ARFGEF3: variants seen among roughly 807,000 people sequenced by gnomAD.
ARFGEF3 encodes the protein brefeldin A-inhibited guanine nucleotide-exchange protein 3.
In ARFGEF3, 96 loss-of-function variants were observed where a neutral mutation model predicts 221.7. The ratio of observed to expected loss-of-function variants is 0.43; its 90% CI spans 0.37 to 0.51. The LOEUF is 0.51. Ranked by LOEUF, ARFGEF3 falls within the 20% of genes least tolerant of loss-of-function variation. The pLI, the probability that ARFGEF3 is intolerant of heterozygous loss-of-function variation, is 0.00. For missense variants in ARFGEF3, 2,410 were observed against 2,789.9 expected (o/e 0.86, Z 3.07); for synonymous variants, 1,145 against 1,126.8 (o/e 1.02, Z -0.32).
chr6:138,239,938 C>T (rs1246394451), intron 6 of ARFGEF3, among the ~76,000 whole-genome samples: 2 of 152,090 alleles, frequency 1.3e-5, no homozygotes, highest in Non-Finnish European at 2.9e-5. Flanking sequence ...AAGTAAACCC[C>T]TGGTCTCTAG....
At chr6:138,299,292 CAATTAAAAAAAAAACAG>C (rs975648941) in intron 22 of ARFGEF3, among the ~76,000 whole-genome samples, 2 of 143,214 alleles carry the variant, frequency 1.4e-5, no homozygotes, top group African/African-American at 5.2e-5. Flanking sequence ...TGAAACTAGG[CAATTAAAAAAAAAACAG>C]AAAAGTTTAG....
intron 2 of ARFGEF3, among the ~76,000 whole-genome samples, chr6:138,185,696 C>T (rs1043599647): frequency 6.6e-6 from 1 of 152,154 alleles, no homozygotes; most frequent in Admixed American, 6.6e-5. Context: ...CTTTGGGTTT[C>T]TTTCCACCCC....
intron 6 of ARFGEF3, among the ~76,000 whole-genome samples, chr6:138,239,127 C>G (rs1778347310): frequency 6.6e-6 from 1 of 152,098 alleles, no homozygotes; most frequent in Non-Finnish European, 1.5e-5. Context: ...GCTTTTTGCT[C>G]TAAACTTGAA....
At chr6:138,332,790 A>G (rs1780251099) in intron 32 of ARFGEF3, among the ~76,000 whole-genome samples, 1 of 152,242 alleles carries the variant, frequency 6.6e-6, no homozygotes, top group African/African-American at 2.4e-5. Context: ...AAAAAAAGTT[A>G]AAGCGATTTA....
chr6:138,215,847 T>G (rs1458496374), intron 4 of ARFGEF3: 75 of 85,918 alleles, frequency 8.7e-4, no homozygotes, highest in African/African-American at 3.7e-3. Flanking sequence ...GTCTGGTGTG[T>G]GTGTGTGTGT....
chr6:138,207,755 G>A (rs562306517), intron 3 of ARFGEF3, among the ~76,000 whole-genome samples: 57 of 152,194 alleles, frequency 3.7e-4, no homozygotes, highest in Non-Finnish European at 6.8e-4. Flanking sequence ...TAAGAGAAAA[G>A]CACTGTGAAG....
chr6:138,280,749 G>C (rs763533363), intron 14 of ARFGEF3, among the ~76,000 whole-genome samples: 7 of 152,162 alleles, frequency 4.6e-5, no homozygotes, highest in Non-Finnish European at 1.0e-4. Flanking sequence ...TACTTGGGAG[G>C]CTAAGGCAGA....
chr6:138,171,895 A>G (rs567321627), intron 2 of ARFGEF3, among the ~76,000 whole-genome samples: 15 of 152,308 alleles, frequency 9.8e-5, no homozygotes, highest in African/African-American at 3.4e-4. Flanking sequence ...CTATTGTTTA[A>G]TAACACTTGG....
chr6:138,279,478 A>G (rs965979237), intron 13 of ARFGEF3, among the ~76,000 whole-genome samples: 1 of 152,236 alleles, frequency 6.6e-6, no homozygotes, highest in African/African-American at 2.4e-5. Context: ...TGATGGAGCA[A>G]GCCACTCCAT....
chr6:138,275,746 GAAA>G (rs541515243), intron 12 of ARFGEF3, among the ~76,000 whole-genome samples: 4 of 111,434 alleles, frequency 3.6e-5, no homozygotes, highest in African/African-American at 1.3e-4. Flanking sequence ...TCTGACTCAG[GAAA>G]AAAAAAAAAA....
Position 138,267,459 on chromosome 6 carries a change from C to T in ARFGEF3, c.2128+3848C>T, listed in dbSNP as rs1349444602. ...AATTAAAATTATCCATACAAAATAA[C>T]TCCACTGCCGAAGTTTCAGCACAAT... On this transcript the variant is annotated intron_variant, in intron 12 of 33. Transcript: ENST00000251691. 3.9e-5 allele frequency among the ~76,000 whole-genome samples: 6 copies of T among 152,190 alleles called. No homozygotes were observed. The East Asian group carries it at 1.2e-3, about 29-fold the overall frequency.
At position 138,336,544 on chromosome 6, in the gene ARFGEF3, AT is replaced by A; in HGVS notation, c.*59del. The A allele has an allele frequency of 2.1e-6, 3 of 1,406,258 alleles. No individual in the cohort carries two copies. The highest frequency in any genetic ancestry group is 2.8e-5 in the South Asian group (2 of 71,044). The allele number at this position is 1,406,258 out of a possible 1,614,324, so 87.1% of individuals were successfully genotyped here. A position where few individuals can be genotyped will look rare whatever the true frequency, so the allele number is the denominator to read the frequency against. On this transcript the variant is annotated 3_prime_UTR_variant, in exon 34 of 34. Coordinates refer to ENST00000251691, the MANE Select transcript of ARFGEF3 (RefSeq NM_020340.5). Reference sequence around the variant, plus strand: ...AGTAGTGAGGGTTAGAGTCCTGCCAATACAGCTGTTGCATTTTCCCCACCAC... The same window carrying A: ...AGTAGTGAGGGTTAGAGTCCTGCCAAACAGCTGTTGCATTTTCCCCACCAC...
chr6:138,334,349 G>A lies in ARFGEF3; in HGVS notation c.5503G>A (p.Glu1835Lys), dbSNP rs758034247. The A allele has an allele frequency of 1.0e-4, 164 of 1,613,622 alleles. 1 individual carries two copies. In the Admixed American group the frequency reaches 2.4e-3, roughly 24 times the overall value. The change falls in exon 33 of 34, where the codon GAG becomes AAG. Residue 1835 changes from glutamate to lysine, a missense_variant. By Grantham distance (56) the Glu-to-Lys change is moderately conservative. This residue lies in a region of ARFGEF3 where 723 missense variants were observed against 991.9 expected (regional missense o/e 0.73). Transcript: ENST00000251691. The surrounding 1 kb of genome is among the most constrained non-coding windows in gnomAD (Gnocchi z 5.1). ...CACCAATCAAGAAACCATCACGGCC[G>A]AGCAAGTGAAGAAGGTCCTTTTTGA... The part of the protein sequence containing the change: ...VLTNQETITA[E>K]QVKKVLFEDD...
intron 2 of ARFGEF3, among the ~76,000 whole-genome samples, chr6:138,203,662 A>C (rs535506683): frequency 2.6e-5 from 4 of 152,142 alleles, no homozygotes; most frequent in African/African-American, 9.6e-5. Context: ...TTTTTTTTTA[A>C]GACCAAGTCT....
chr6:138,212,528 A>G (rs1777749601), intron 4 of ARFGEF3, among the ~76,000 whole-genome samples: 2 of 152,262 alleles, frequency 1.3e-5, no homozygotes, highest in South Asian at 4.1e-4. Context: ...ATTACTGGAT[A>G]TATACCCAAA....
Position 138,237,158 on chromosome 6 carries a change from G to T in ARFGEF3, c.421-1351G>T, listed in dbSNP as rs75353392. On this transcript the variant is annotated intron_variant, in intron 5 of 33. Transcript: ENST00000251691. ...GGCAGAAAGAAAAAGATAACATGAG[G>T]CCTGGCAGAAAATTCTCCAGCTTAA... Among the ~76,000 whole-genome samples the T allele has an allele frequency of 7.0e-3, 1,060 of 152,168 alleles. 12 individuals carry two copies. Among genetic ancestry groups the T allele is most frequent in the Middle Eastern group, 0.051 (15 of 294 alleles).
chr6:138,206,219 C>T (rs780924531), intron 2 of ARFGEF3, among the ~76,000 whole-genome samples: 6 of 152,074 alleles, frequency 3.9e-5, no homozygotes, highest in African/African-American at 9.7e-5. Context: ...CTTGGTCTGT[C>T]GTTTAATTAT....
At chr6:138,306,795 T>C in intron 22 of ARFGEF3, among the ~76,000 whole-genome samples, 1 of 151,836 alleles carries the variant, frequency 6.6e-6, no homozygotes, top group South Asian at 2.1e-4. Flanking sequence ...AAATGGGTCA[T>C]GATGTGATCC....
chr6:138,275,345 G>C (rs923497040), intron 12 of ARFGEF3, among the ~76,000 whole-genome samples: 1 of 151,962 alleles, frequency 6.6e-6, no homozygotes, highest in African/African-American at 2.4e-5. Context: ...TATATGCTTA[G>C]TCCCACCAAA....
Sources: allele counts gnomAD v4.1 joint callset (sites outside exome capture counted in the v4.1 genomes callset), GRCh38; gene constraint gnomAD v4.1.1; regional missense constraint gnomAD v4.1.1; non-coding constraint Gnocchi (gnomAD v3.1); transcripts MANE v1.5; gene names NCBI Gene and HGNC (gene_info 2026-07-23, HGNC 2026-07-21).